DAP: variants seen among roughly 807,000 people sequenced by gnomAD.
DAP encodes the protein death-associated protein 1.
A neutral mutation model predicts 13.8 loss-of-function variants in DAP; 8 were observed. The ratio of observed to expected loss-of-function variants is 0.58; its 90% confidence interval spans 0.34 to 1.05. The LOEUF is 1.05. Among genes scored for constraint, DAP ranks in the 50% least tolerant of loss-of-function variants. The pLI is 0.03. For synonymous variants in DAP, 47 were observed against 47.5 expected, an observed-to-expected ratio of 0.99 and a Z score of 0.04; for missense variants, 106 against 133.2, an observed-to-expected ratio of 0.80 and a Z score of 1.01.
At chr5:10,705,604 G>A (rs77168819) in intron 2 of DAP, among the ~76,000 whole-genome samples, 3,206 of 152,314 alleles carry the variant, frequency 0.021, 104 homozygotes, top group African/African-American at 0.072. Flanking sequence ...CTATCTGGGC[G>A]AAACCTGTCA....
intron 2 of DAP, among the ~76,000 whole-genome samples, chr5:10,689,041 C>G (rs1402939809): frequency 1.3e-5 from 2 of 152,162 alleles, no homozygotes; most frequent in Non-Finnish European, 2.9e-5. Flanking sequence ...CCTCGGTGCT[C>G]CTCAGAGGTG....
At chr5:10,748,065 C>A (rs139187538) in intron 2 of DAP, 110 bp downstream of exon 2, 2 of 766,376 alleles carry the variant, frequency 2.6e-6, no homozygotes, top group Middle Eastern at 2.3e-4. Context: ...CAGAACAGGG[C>A]CCCACATAGC....
At chr5:10,695,817 C>T (rs1738425195) in intron 2 of DAP, among the ~76,000 whole-genome samples, 1 of 152,104 alleles carries the variant, frequency 6.6e-6, no homozygotes, top group South Asian at 2.1e-4. Context: ...GCATTCCACC[C>T]ACAGATATTT....
chr5:10,690,160 G>A (rs905697549), intron 2 of DAP, among the ~76,000 whole-genome samples: 1 of 152,154 alleles, frequency 6.6e-6, no homozygotes, highest in Admixed American at 6.5e-5. Context: ...AAGTCTTATC[G>A]AGCCGCAAGA....
intron 2 of DAP, among the ~76,000 whole-genome samples, chr5:10,723,058 T>C (rs1305085876): frequency 6.6e-6 from 1 of 152,194 alleles, no homozygotes; most frequent in African/African-American, 2.4e-5. Flanking sequence ...CTTGATGAAA[T>C]GTCAATGCCA....
rs951547824 is a variant in DAP, at chr5:10,707,684, C to T, written c.153-24113G>A. 7.3e-5 allele frequency among the ~76,000 whole-genome samples: 11 copies of T among 151,318 alleles called. No homozygotes were observed. Among genetic ancestry groups the T allele is most frequent in the African/African-American group, 2.7e-4 (11 of 41,112 alleles). On this transcript the variant is annotated intron_variant, in intron 2 of 3. Transcript: ENST00000230895. This position sits in a 1 kb window ranked among gnomAD's most constrained non-coding sequence, Gnocchi z 4.0. ...ATTTGCGATCAGTGTGGTGCACAGG[C>T]GGCGTGATGTACAGGTGGTGTGATG... is the stretch of plus-strand genomic sequence containing the variant.
chr5:10,739,532 G>A (rs1016451252), intron 2 of DAP, among the ~76,000 whole-genome samples: 2 of 152,008 alleles, frequency 1.3e-5, no homozygotes, highest in Non-Finnish European at 2.9e-5. Context: ...ACCAAGAAGA[G>A]GTCCATCTTG....
chr5:10,719,511 A>T (rs1489070121), intron 2 of DAP, among the ~76,000 whole-genome samples: 1 of 152,186 alleles, frequency 6.6e-6, no homozygotes, highest in Non-Finnish European at 1.5e-5. Flanking sequence ...TCTCCTTTTG[A>T]GAGACAGCTC....
intron 2 of DAP, 38 bp downstream of exon 2, chr5:10,748,137 T>C: frequency 2.1e-6 from 3 of 1,432,354 alleles, no homozygotes; most frequent in Admixed American, 1.7e-5. Context: ...AATAGGGTTT[T>C]TGGAAAACAT....
rs141263077 is a variant in DAP, at chr5:10,735,265, G to A, written c.152+12910C>T. On this transcript the variant is annotated intron_variant, in intron 2 of 3. Coordinates refer to ENST00000230895, the MANE Select transcript of DAP (RefSeq NM_004394.3). ...TAAGCAAAGGGAAGCGCTCCTGCCT[G>A]TCGTCATTGGTCTCCATGTTACAAA... Among the ~76,000 whole-genome samples the A allele has an allele frequency of 4.5e-4, 69 of 152,278 alleles. No individual in the cohort carries two copies. In the East Asian group the frequency reaches 0.011, roughly 25 times the overall value.
intron 2 of DAP, among the ~76,000 whole-genome samples, chr5:10,726,103 T>A (rs575642315): frequency 6.6e-6 from 1 of 152,222 alleles, no homozygotes; most frequent in African/African-American, 2.4e-5. Context: ...ACATGACAGA[T>A]GCTTTCAAAA....
intron 1 of DAP, among the ~76,000 whole-genome samples, chr5:10,751,453 C>T (rs16898820): frequency 0.17 from 25,261 of 152,122 alleles, 2,300 homozygotes; most frequent in East Asian, 0.31. Flanking sequence ...ATGAATGTTT[C>T]GGGCTCAAGG....
At chr5:10,757,726 G>C (rs569884054) in intron 1 of DAP, among the ~76,000 whole-genome samples, 5 of 152,222 alleles carry the variant, frequency 3.3e-5, no homozygotes, top group Non-Finnish European at 7.3e-5. Flanking sequence ...TCTGCTGCCT[G>C]AACCGGCCAA....
At chr5:10,723,722 G>C (rs954783550) in intron 2 of DAP, among the ~76,000 whole-genome samples, 1 of 152,234 alleles carries the variant, frequency 6.6e-6, no homozygotes. Flanking sequence ...TAAAGCAAAA[G>C]AATGTGTGAA....
chr5:10,698,450 T>C (rs1231770894), intron 2 of DAP, among the ~76,000 whole-genome samples: 2 of 152,110 alleles, frequency 1.3e-5, no homozygotes, highest in African/African-American at 4.8e-5. Context: ...CGCCGAGTAT[T>C]AGAATACAAT....
intron 2 of DAP, 34 bp from the exon 3 acceptor site, chr5:10,683,605 A>C (rs758797296): frequency 1.2e-6 from 2 of 1,607,288 alleles, no homozygotes; most frequent in Admixed American, 3.3e-5. Flanking sequence ...CAGATTTAAC[A>C]AAACAGTCCA....
chr5:10,735,853 G>A (rs1203087874), intron 2 of DAP, among the ~76,000 whole-genome samples: 1 of 152,208 alleles, frequency 6.6e-6, no homozygotes, highest in African/African-American at 2.4e-5. Flanking sequence ...GTAGCACAAG[G>A]TGCTGCTTGC....
At chr5:10,694,115 C>A (rs946163920) in intron 2 of DAP, among the ~76,000 whole-genome samples, 1 of 151,972 alleles carries the variant, frequency 6.6e-6, no homozygotes, top group Admixed American at 6.6e-5. Flanking sequence ...TCCTCAGTCT[C>A]GGGAACAAAA....
At chr5:10,698,128 A>C (rs1042044440) in intron 2 of DAP, among the ~76,000 whole-genome samples, 2 of 151,900 alleles carry the variant, frequency 1.3e-5, no homozygotes, top group Non-Finnish European at 2.9e-5. Context: ...GAGCACAGCT[A>C]CTCACCAGCC....
Sources: allele counts gnomAD v4.1 joint callset (sites outside exome capture counted in the v4.1 genomes callset), GRCh38; gene constraint gnomAD v4.1.1; non-coding constraint Gnocchi (gnomAD v3.1); transcripts MANE v1.5; gene names NCBI Gene and HGNC (gene_info 2026-07-23, HGNC 2026-07-21).